Variants in ADAM32 observed in about 807,000 individuals in gnomAD.
ADAM32 encodes disintegrin and metalloproteinase domain-containing protein 32.
In ADAM32, 89 loss-of-function variants were observed where a neutral mutation model predicts 114.9. The ratio of observed to expected loss-of-function variants is 0.77; its 90% CI spans 0.65 to 0.92. ADAM32 has a LOEUF of 0.92. ADAM32 is among the 40% of genes least tolerant of loss of function. The pLI, the probability that ADAM32 is intolerant of heterozygous loss-of-function variation, is 0.00. For synonymous variants in ADAM32, 285 were observed against 307.5 expected, an observed-to-expected ratio of 0.93 and a Z score of 0.77; for missense variants, 870 against 932.8, an observed-to-expected ratio of 0.93 and a Z score of 0.88.
rs113629334 is a variant in ADAM32 at position 39,268,803 on chromosome 8, A to T, written c.2163-2073A>T. On this transcript the variant is annotated intron_variant, in intron 19 of 24. Transcript: ENST00000379907. ...TGGAAATAGTATATTTTGTACAAAAATTTTTAATTATTCTTACACCATTGA... is the reference window on the plus strand; with the variant it reads ...TGGAAATAGTATATTTTGTACAAAATTTTTTAATTATTCTTACACCATTGA... 6.8e-3 allele frequency among the ~76,000 whole-genome samples: 1,037 copies of T among 152,310 alleles called. 19 individuals carry two copies. Among genetic ancestry groups the T allele is most frequent in the African/African-American group, 0.024 (982 of 41,570 alleles).
intron 1 of ADAM32, among the ~76,000 whole-genome samples, chr8:39,115,174 A>T (rs980389176): frequency 6.6e-6 from 1 of 152,220 alleles, no homozygotes; most frequent in Non-Finnish European, 1.5e-5. Flanking sequence ...TGCTGCAATG[A>T]ATATACGTGT....
Position 39,223,188 on chromosome 8 carries a change from A to G in ADAM32, c.1475A>G (p.Asp492Gly), listed in dbSNP as rs772542905. Reference protein sequence around the residue: ...SCKNNKFICYDGDCHDLDARC... With the variant: ...SCKNNKFICYGGDCHDLDARC... ...AAAAATAATAAGTTTATTTGTTATG[A>G]CGGAGACTGCCATGATCTCGATGCA... The change falls in exon 14 of 25, where the codon GAC becomes GGC. Residue 492 changes from aspartate to glycine, a missense_variant. Transcript: ENST00000379907. The G allele has an allele frequency of 5.0e-6, 8 of 1,598,968 alleles. No homozygotes were observed. In the East Asian group the frequency reaches 1.4e-4, roughly 27 times the overall value.
At chr8:39,202,690 C>G (rs906138248) in intron 11 of ADAM32, among the ~76,000 whole-genome samples, 1 of 152,094 alleles carries the variant, frequency 6.6e-6, no homozygotes, top group African/African-American at 2.4e-5. Flanking sequence ...AATGTGTTTG[C>G]TCTTGCTTCT....
At chr8:39,225,470 T>C (rs192462947) in intron 14 of ADAM32, among the ~76,000 whole-genome samples, 1 of 152,306 alleles carries the variant, frequency 6.6e-6, no homozygotes, top group Non-Finnish European at 1.5e-5. Flanking sequence ...GGCTACTGCA[T>C]GGTCACTGTG....
intron 14 of ADAM32, among the ~76,000 whole-genome samples, chr8:39,229,028 C>A (rs1222415405): frequency 6.6e-6 from 1 of 152,312 alleles, no homozygotes; most frequent in South Asian, 2.1e-4. Context: ...GCCCTATCTT[C>A]AGCTTCCTCA....
In ADAM32 at chr8:39,107,764, C is replaced by G. The variant is rs888665136; in HGVS notation, c.-12C>G. 14 of 1,550,450 alleles carry G rather than the reference C, an allele frequency of 9.0e-6. No individual in the cohort carries two copies. The African/African-American group carries it at 9.6e-5, about 11-fold the overall frequency. ...CCCAACGGCTTCCCGCTGGCAGCCCCGAAGCCGCACCATGTTCCGCCTCTG... is the reference window on the plus strand; with the variant it reads ...CCCAACGGCTTCCCGCTGGCAGCCCGGAAGCCGCACCATGTTCCGCCTCTG... On this transcript the variant is annotated 5_prime_UTR_variant, in exon 1 of 25. Transcript: ENST00000379907.
intron 16 of ADAM32, among the ~76,000 whole-genome samples, chr8:39,244,841 A>G (rs1268827939): frequency 6.6e-6 from 1 of 151,676 alleles, no homozygotes. Context: ...CCTAAAACTT[A>G]AAGTATAATA....
intron 3 of ADAM32, among the ~76,000 whole-genome samples, chr8:39,144,094 C>T (rs1421447071): frequency 2.6e-5 from 4 of 152,288 alleles, no homozygotes; most frequent in African/African-American, 9.6e-5. Context: ...AGTATTTGGT[C>T]AGGAGTGTAC....
intron 19 of ADAM32, among the ~76,000 whole-genome samples, chr8:39,263,993 G>A (rs76679777): frequency 0.027 from 4,131 of 152,038 alleles, 214 homozygotes; most frequent in African/African-American, 0.094. Flanking sequence ...TTAAACCATC[G>A]ACATAATCAA....
rs368731200 is a variant in ADAM32 at position 39,274,337 on chromosome 8, A to G, written c.2227A>G (p.Thr743Ala). 26 of 1,613,308 alleles carry G rather than the reference A, an allele frequency of 1.6e-5. No individual in the cohort carries two copies. Among genetic ancestry groups the G allele is most frequent in the Non-Finnish European group, 2.0e-5 (24 of 1,179,630 alleles). The change falls in exon 21 of 25, where the codon ACA becomes GCA. Residue 743 changes from threonine (T) to alanine (A), a missense_variant. By Grantham distance (58) the Thr-to-Ala change is moderately conservative (BLOSUM62 0). Coordinates refer to ENST00000379907, the MANE Select transcript of ADAM32 (RefSeq NM_145004.7). ...SQSSSEGSTQ[T>A]YASQTRSESS... The stretch of plus-strand genomic sequence containing the variant: ...ATCCAGCTCAGAAGGCAGCACTCAG[A>G]CATATGCCAGCCAGTAAGTAGGTTA...
At chr8:39,198,167 A>AT (rs147993326) in intron 11 of ADAM32, among the ~76,000 whole-genome samples, 37,348 of 151,022 alleles carry the variant, frequency 0.25, 4,986 homozygotes, top group Non-Finnish European at 0.29. Context: ...TTTGTGCAGA[A>AT]TTTTTTTTCC....
chr8:39,168,227 G>C (rs1366435186), intron 9 of ADAM32: 1 of 152,230 alleles, frequency 6.6e-6, no homozygotes, highest in East Asian at 1.9e-4. Context: ...GGGGCTCCTT[G>C]CTTTTAGTGA....
At chr8:39,143,553 A>C (rs2129445256) in intron 3 of ADAM32, among the ~76,000 whole-genome samples, 1 of 152,254 alleles carries the variant, frequency 6.6e-6, no homozygotes. Flanking sequence ...CAGAACAGCC[A>C]ATATTGATGC....
intron 4 of ADAM32, among the ~76,000 whole-genome samples, chr8:39,148,724 G>A (rs1803653093): frequency 6.6e-6 from 1 of 152,046 alleles, no homozygotes; most frequent in African/African-American, 2.4e-5. Flanking sequence ...TACATTGGAT[G>A]GGATCATCAT....
chr8:39,190,199 T>C (rs1348641101), intron 11 of ADAM32, among the ~76,000 whole-genome samples: 1 of 152,226 alleles, frequency 6.6e-6, no homozygotes, highest in Non-Finnish European at 1.5e-5. Context: ...TTCTGTTCCA[T>C]TCATGTTGTT....
rs115775588 is a variant in ADAM32, at chr8:39,145,005, G to A, written c.201-2125G>A. On this transcript the variant is annotated intron_variant, in intron 3 of 24. Transcript: ENST00000379907. ...ATAAAATCAACATACAAAAATCATA[G>A]CATTTCTATACATTAATAAGAAATT... 3.5e-3 allele frequency among the ~76,000 whole-genome samples: 538 copies of A among 152,210 alleles called. 2 individuals are homozygous for A. The highest frequency in any genetic ancestry group is 0.024 in the Middle Eastern group (7 of 294).
At chr8:39,237,201 A>T (rs2129449598) in intron 16 of ADAM32, among the ~76,000 whole-genome samples, 3 of 152,086 alleles carry the variant, frequency 2.0e-5, no homozygotes, top group African/African-American at 7.2e-5. Context: ...CCTTGTAGGC[A>T]CTCCCAGTTC....
intron 20 of ADAM32, among the ~76,000 whole-genome samples, chr8:39,273,599 T>C (rs1812882441): frequency 6.6e-6 from 1 of 152,184 alleles, no homozygotes; most frequent in Non-Finnish European, 1.5e-5. Context: ...ATTATTATCA[T>C]TATCATGTAT....
chr8:39,249,168 T>A (rs1811130386), intron 17 of ADAM32, among the ~76,000 whole-genome samples: 1 of 152,168 alleles, frequency 6.6e-6, no homozygotes, highest in Non-Finnish European at 1.5e-5. Flanking sequence ...CCTCCCAAAG[T>A]GCTGGGATTT....
Sources: gnomAD v4.1 joint callset for allele counts (sites outside exome capture counted in the v4.1 genomes callset) on GRCh38, gnomAD v4.1.1 for gene constraint, MANE v1.5 for transcripts, NCBI Gene and HGNC (gene_info 2026-07-23, HGNC 2026-07-21) for gene names.